Variants in TARS3 observed in about 807,000 individuals in gnomAD.
TARS3 encodes threonyl-tRNA synthetase 3, also known as threonine--tRNA ligase 2, cytoplasmic.
Under a neutral mutation model 103.5 loss-of-function variants are expected in TARS3, and 94 were observed. The observed-to-expected ratio is 0.91, with a 90% CI of 0.77 to 1.08. The LOEUF is 1.08. Ranked by LOEUF, TARS3 falls within the 50% of genes least tolerant of loss-of-function variation. TARS3 has a pLI of 0.00. For synonymous variants in TARS3, 416 were observed against 355.4 expected, an observed-to-expected ratio of 1.17 and a Z score of -1.92; for missense variants, 952 against 995.2, an observed-to-expected ratio of 0.96 and a Z score of 0.58.
intron 4 of TARS3, among the ~76,000 whole-genome samples, chr15:101,712,254 G>A (rs1267166265): frequency 1.3e-5 from 2 of 152,062 alleles, no homozygotes; most frequent in South Asian, 2.1e-4. Flanking sequence ...GCTAGAGCTC[G>A]GCCACAACCC....
chr15:101,686,502 C>A (rs79730030), intron 10 of TARS3, among the ~76,000 whole-genome samples: 2 of 152,026 alleles, frequency 1.3e-5, no homozygotes, highest in Admixed American at 1.3e-4. Context: ...TAGTGTATAA[C>A]GATTTAAGTA....
rs1243084396 is a variant in TARS3, at chr15:101,724,110, G to A, written c.278C>T (p.Ala93Val). The change falls in exon 1 of 19, where the codon GCG becomes GTG. Residue 93 changes from alanine (A) to valine (V), a missense_variant. This residue lies in a region of TARS3 where 412 missense variants were observed against 364.2 expected (regional missense o/e 1.13). Transcript: ENST00000335968. ...ATLESAELEAAQEAGAQPPPS... is the reference protein window; with the variant it reads ...ATLESAELEAVQEAGAQPPPS... ...GGTTACCTGTGCGCCGGCCTCCTGC[G>A]CCGCCTCTAGCTCCGCGCTCTCCAG... 7.3e-7 allele frequency: 1 copy of A among 1,375,506 alleles called. No homozygotes were observed. Among genetic ancestry groups the A allele is most frequent in the Non-Finnish European group, 9.4e-7 (1 of 1,064,832 alleles). The allele number at this position is 1,375,506 out of a possible 1,614,324, so 85.2% of individuals were successfully genotyped here.
At chr15:101,676,582 T>A (rs535106745) in intron 12 of TARS3, among the ~76,000 whole-genome samples, 2 of 152,298 alleles carry the variant, frequency 1.3e-5, no homozygotes, top group East Asian at 3.9e-4. Context: ...CACTGCAACC[T>A]CTGCCTCTCG....
intron 10 of TARS3, among the ~76,000 whole-genome samples, chr15:101,689,086 A>G (rs775008419): frequency 8.5e-5 from 13 of 152,188 alleles, no homozygotes; most frequent in Non-Finnish European, 1.6e-4. Context: ...ATTGCCCATT[A>G]TGGGCTCCCT....
At chr15:101,657,633 A>G (rs556643658) in intron 17 of TARS3, 152 bp downstream of exon 17, 16 of 510,606 alleles carry the variant, frequency 3.1e-5, no homozygotes, top group Non-Finnish European at 3.8e-5. Flanking sequence ...CTGCAGAGAC[A>G]TGATTCGTGT....
chr15:101,670,487 T>A (rs193250737), intron 15 of TARS3, among the ~76,000 whole-genome samples: 5 of 152,328 alleles, frequency 3.3e-5, no homozygotes, highest in Admixed American at 6.5e-5. Flanking sequence ...ACACACCTAT[T>A]AGAACTACTT....
intron 2 of TARS3, among the ~76,000 whole-genome samples, chr15:101,721,653 C>A (rs1246568884): frequency 3.3e-5 from 5 of 152,124 alleles, no homozygotes; most frequent in Admixed American, 2.6e-4. Flanking sequence ...CACCACCCTG[C>A]CAGACTAATT....
At chr15:101,679,196 A>G (rs1172037327) in intron 12 of TARS3, among the ~76,000 whole-genome samples, 1 of 152,106 alleles carries the variant, frequency 6.6e-6, no homozygotes, top group African/African-American at 2.4e-5. Context: ...GCAAGTTGTC[A>G]GCTATTATTT....
chr15:101,692,947 A>C (rs931658402), intron 10 of TARS3, among the ~76,000 whole-genome samples: 1 of 152,098 alleles, frequency 6.6e-6, no homozygotes, highest in Non-Finnish European at 1.5e-5. Flanking sequence ...GGAAGCAAAA[A>C]TTCCCCAAGT....
intron 13 of TARS3, among the ~76,000 whole-genome samples, chr15:101,673,334 C>T (rs1415853575): frequency 6.6e-6 from 1 of 152,214 alleles, no homozygotes; most frequent in South Asian, 2.1e-4. Flanking sequence ...CCCCACACCC[C>T]ACCAAGTTTC....
chr15:101,656,447 C>G (rs1897201348), intron 18 of TARS3, among the ~76,000 whole-genome samples: 1 of 152,210 alleles, frequency 6.6e-6, no homozygotes, highest in Non-Finnish European at 1.5e-5. Flanking sequence ...ATTTTAGATT[C>G]TGCATCTAAT....
At chr15:101,695,869 C>T (rs372233642) in intron 10 of TARS3, 295 of 151,846 alleles carry the variant, frequency 1.9e-3, no homozygotes, top group Non-Finnish European at 3.2e-3. Context: ...CATGCCATTG[C>T]ACTCCAGCCT....
chr15:101,709,571 C>T (rs1899751691), intron 5 of TARS3, among the ~76,000 whole-genome samples: 1 of 152,242 alleles, frequency 6.6e-6, no homozygotes, highest in African/African-American at 2.4e-5. Flanking sequence ...ATGCCACCTG[C>T]TCCTTCCTGC....
chr15:101,657,634 T>C, intron 17 of TARS3, 151 bp downstream of exon 17: 3 of 511,060 alleles, frequency 5.9e-6, no homozygotes, highest in Non-Finnish European at 3.5e-6. Flanking sequence ...TGCAGAGACA[T>C]GATTCGTGTG....
intron 8 of TARS3, among the ~76,000 whole-genome samples, chr15:101,703,597 T>TA (rs942913138): frequency 6.6e-6 from 1 of 151,290 alleles, no homozygotes; most frequent in Non-Finnish European, 1.5e-5. Context: ...CTCAGAAAAA[T>TA]AAAAAATAAA....
At chr15:101,721,432 G>A in intron 2 of TARS3, 110 bp from the exon 3 acceptor site, 1 of 702,268 alleles carries the variant, frequency 1.4e-6, no homozygotes, top group Non-Finnish European at 2.3e-6. Context: ...TCTACAGATG[G>A]TCCCAAGCTT....
At chr15:101,674,062 G>A (rs1897924863) in intron 13 of TARS3, among the ~76,000 whole-genome samples, 2 of 152,074 alleles carry the variant, frequency 1.3e-5, no homozygotes, top group South Asian at 4.1e-4. Context: ...TTTTAAATTG[G>A]GCACTGCTCT....
At chr15:101,713,448 T>C (rs958367127) in intron 4 of TARS3, among the ~76,000 whole-genome samples, 8 of 152,206 alleles carry the variant, frequency 5.3e-5, no homozygotes, top group African/African-American at 1.9e-4. Context: ...GATAGCTCGA[T>C]GGGAATGAAT....
chr15:101,685,788 C>T (rs1057061945), intron 11 of TARS3, 108 bp downstream of exon 11: 16 of 872,228 alleles, frequency 1.8e-5, no homozygotes, highest in Non-Finnish European at 2.7e-5. Flanking sequence ...GTAATCACCA[C>T]TCTTCAGATT....
Sources: allele counts gnomAD v4.1 joint callset (sites outside exome capture counted in the v4.1 genomes callset), GRCh38; gene constraint gnomAD v4.1.1; regional missense constraint gnomAD v4.1.1; transcripts MANE v1.5; gene names NCBI Gene and HGNC (gene_info 2026-07-23, HGNC 2026-07-21).